The following CDKL3 variants were observed in gnomAD, a reference collection of about 807,000 sequenced individuals.
The protein encoded by CDKL3 is cyclin-dependent kinase-like 3.
CDKL3 carries 65 observed loss-of-function variants against 69.3 expected under a neutral mutation model. The ratio of observed to expected loss-of-function variants is 0.94; its 90% CI spans 0.77 to 1.15. CDKL3 has a LOEUF of 1.15. Ranked by LOEUF, CDKL3 falls within the 50% of genes most tolerant of loss-of-function variation. The pLI, the probability that CDKL3 is intolerant of heterozygous loss-of-function variation, is 0.00. For missense variants in CDKL3, 652 were observed against 689.2 expected, an observed-to-expected ratio of 0.95 and a Z score of 0.61; for synonymous variants, 202 against 221.6, an observed-to-expected ratio of 0.91 and a Z score of 0.79.
At chr5:134,301,745 G>A (rs1766398696) in intron 12 of CDKL3, among the ~76,000 whole-genome samples, 1 of 152,134 alleles carries the variant, frequency 6.6e-6, no homozygotes, top group East Asian at 1.9e-4. Context: ...AAAATAGCTG[G>A]GTGTGGTGGC....
intron 4 of CDKL3, among the ~76,000 whole-genome samples, chr5:134,333,135 G>A (rs1367590455): frequency 1.3e-5 from 2 of 151,488 alleles, no homozygotes; most frequent in African/African-American, 2.4e-5. Flanking sequence ...GATTTTTGCA[G>A]AAATGCTTGT....
At chr5:134,295,200 T>C (rs1765298216), downstream of CDKL3, among the ~76,000 whole-genome samples, 1 of 151,984 alleles carries the variant, frequency 6.6e-6, no homozygotes, top group South Asian at 2.1e-4. Context: ...AAATTTTTAG[T>C]AGAGTCAGGG....
downstream of CDKL3, among the ~76,000 whole-genome samples, chr5:134,297,824 T>C (rs1198811876): frequency 6.6e-6 from 1 of 151,168 alleles, no homozygotes; most frequent in Non-Finnish European, 1.5e-5. Context: ...TCAGGTGATC[T>C]GCCCACCTCA....
At chr5:134,331,070 T>A (rs1015482179) in intron 4 of CDKL3, among the ~76,000 whole-genome samples, 1 of 152,194 alleles carries the variant, frequency 6.6e-6, no homozygotes, top group Non-Finnish European at 1.5e-5. Flanking sequence ...TTGGCATCCA[T>A]CAAGTGGAAA....
At chr5:134,325,394 AGCTT>A (rs1333210964) in intron 4 of CDKL3, among the ~76,000 whole-genome samples, 1 of 152,240 alleles carries the variant, frequency 6.6e-6, no homozygotes, top group African/African-American at 2.4e-5. Flanking sequence ...GTAACTTATA[AGCTT>A]GCTTATTTCA....
At chr5:134,371,376 C>A, upstream of CDKL3, 1 of 659,564 alleles carries the variant, frequency 1.5e-6, no homozygotes, top group South Asian at 1.9e-5. Flanking sequence ...CGCGTCCCGC[C>A]CCCTCCTCCC....
At chr5:134,356,501 T>C (rs777981851) in intron 3 of CDKL3, among the ~76,000 whole-genome samples, 8 of 152,276 alleles carry the variant, frequency 5.3e-5, no homozygotes, top group South Asian at 2.1e-4. Context: ...AAAACTCTCA[T>C]TGGTGGCTCA....
intron 6 of CDKL3, among the ~76,000 whole-genome samples, chr5:134,313,623 ATATT>A (rs1301658796): frequency 1.3e-5 from 2 of 152,204 alleles, no homozygotes; most frequent in Non-Finnish European, 2.9e-5. Flanking sequence ...TTCAAAATGC[ATATT>A]TAAACTGATT....
At chr5:134,352,208 G>T (rs1753471543) in intron 3 of CDKL3, among the ~76,000 whole-genome samples, 2 of 151,822 alleles carry the variant, frequency 1.3e-5, no homozygotes, top group Non-Finnish European at 1.5e-5. Flanking sequence ...CATCACAAAT[G>T]ATTTCCTTCT....
chr5:134,337,138 G>C (rs1418606718), intron 4 of CDKL3, among the ~76,000 whole-genome samples: 1 of 152,234 alleles, frequency 6.6e-6, no homozygotes, highest in Non-Finnish European at 1.5e-5. Context: ...GGCTCCATGG[G>C]CATGGGACCT....
At chr5:134,298,349 C>A (rs1765501519), downstream of CDKL3, 1 of 1,091,484 alleles carries the variant, frequency 9.2e-7, no homozygotes, top group Non-Finnish European at 1.1e-6. Context: ...AGGCAGAGAT[C>A]ATTAAGTATA....
chr5:134,334,477 G>A (rs1414949567), intron 4 of CDKL3, among the ~76,000 whole-genome samples: 1 of 152,178 alleles, frequency 6.6e-6, no homozygotes, highest in African/African-American at 2.4e-5. Flanking sequence ...TATATACACT[G>A]CTTTTGCTGT....
At chr5:134,310,167 AT>A (rs1312845822) in intron 7 of CDKL3, among the ~76,000 whole-genome samples, 1 of 112,142 alleles carries the variant, frequency 8.9e-6, no homozygotes, top group Admixed American at 9.9e-5. Flanking sequence ...ACTTCATTTT[AT>A]TTTTTATTAT....
Position 134,321,914 on chromosome 5 carries a change from T to C in CDKL3, c.540-11A>G. The C allele has an allele frequency of 7.0e-7, 1 of 1,426,484 alleles. No individual in the cohort carries two copies. The highest frequency in any genetic ancestry group is 9.6e-7 in the Non-Finnish European group (1 of 1,036,424). The allele number at this position is 1,426,484 out of a possible 1,614,324, so 88.4% of individuals were successfully genotyped here. A position where few individuals can be genotyped will look rare whatever the true frequency, so the allele number is the denominator to read the frequency against. ...CAGATATCCACAGGTCTGAAACAGA[T>C]CAGGGAAAAAAAAATCACTTTTTCA... On this transcript the variant is annotated splice_polypyrimidine_tract_variant and intron_variant, in intron 4 of 12. Transcript: ENST00000265334.
chr5:134,319,515 T>A lies in CDKL3; in HGVS notation c.653-18A>T, dbSNP rs750403196. On this transcript the variant is annotated intron_variant, in intron 5 of 12. Coordinates refer to ENST00000265334, the MANE Select transcript of CDKL3 (RefSeq NM_001113575.2). ...CAAATTGCCTGAAAAGAGAAAAAAA[T>A]GTATATTTAAAAAACAGAGAAATAG... 4.3e-5 allele frequency: 65 copies of A among 1,509,432 alleles called. No homozygotes were observed. Among genetic ancestry groups the A allele is most frequent in the Non-Finnish European group, 5.6e-5 (63 of 1,129,858 alleles). The allele number at this position is 1,509,432 out of a possible 1,614,324, so 93.5% of individuals were successfully genotyped here. A position where few individuals can be genotyped will look rare whatever the true frequency, so the allele number is the denominator to read the frequency against.
chr5:134,332,391 T>TG (rs1421640945), intron 4 of CDKL3, among the ~76,000 whole-genome samples: 2 of 152,208 alleles, frequency 1.3e-5, no homozygotes, highest in African/African-American at 2.4e-5. Flanking sequence ...TGAATGGTAT[T>TG]GCCTAGGTTT....
At chr5:134,301,431 C>T (rs1333637003) in intron 12 of CDKL3, among the ~76,000 whole-genome samples, 2 of 152,174 alleles carry the variant, frequency 1.3e-5, no homozygotes, top group Non-Finnish European at 2.9e-5. Context: ...TCTGATAACC[C>T]TCTATCCAAA....
intron 12 of CDKL3, among the ~76,000 whole-genome samples, chr5:134,300,398 T>C (rs1329533733): frequency 1.3e-5 from 2 of 152,140 alleles, no homozygotes; most frequent in Admixed American, 1.3e-4. Flanking sequence ...TTGGATCTGA[T>C]TGTATAATTC....
At chr5:134,368,223 C>T (rs907250583), upstream of CDKL3, among the ~76,000 whole-genome samples, 1 of 152,080 alleles carries the variant, frequency 6.6e-6, no homozygotes, top group African/African-American at 2.4e-5. Flanking sequence ...ATTTTTGAAG[C>T]TTCTCAAGTT....
Sources: gnomAD v4.1 joint callset for allele counts (sites outside exome capture counted in the v4.1 genomes callset) on GRCh38, gnomAD v4.1.1 for gene constraint, MANE v1.5 for transcripts, NCBI Gene and HGNC (gene_info 2026-07-23, HGNC 2026-07-21) for gene names.